CNBD1: variants seen among roughly 807,000 people sequenced by gnomAD.
CNBD1 encodes the protein cyclic nucleotide binding domain containing 1.
Under a neutral mutation model 54.4 loss-of-function variants are expected in CNBD1, and 71 were observed. The observed-to-expected ratio is 1.30, with a 90% confidence interval of 1.08 to 1.59. The LOEUF (loss-of-function observed/expected upper bound fraction) is 1.59, where lower values mean the gene tolerates loss of function less well. CNBD1 is among the 40% of genes most tolerant of loss of function. The pLI is 0.00. For synonymous variants in CNBD1, 182 were observed against 170.7 expected, an observed-to-expected ratio of 1.07 and a Z score of -0.51; for missense variants, 659 against 518.0, an observed-to-expected ratio of 1.27 and a Z score of -2.64.
chr8:87,345,882 C>T (rs1357848823), intron 8 of CNBD1, among the ~76,000 whole-genome samples: 1 of 151,868 alleles, frequency 6.6e-6, no homozygotes, highest in Non-Finnish European at 1.5e-5. Context: ...AGTATTTCTA[C>T]CTTGCATAAA....
intron 2 of CNBD1, among the ~76,000 whole-genome samples, chr8:87,410,436 T>A (rs1366321955): frequency 6.6e-6 from 1 of 152,122 alleles, no homozygotes. Flanking sequence ...GGCTGATATG[T>A]CAACATTAAC....
chr8:87,302,843 C>G (rs1403976479), intron 8 of CNBD1, among the ~76,000 whole-genome samples: 1 of 152,028 alleles, frequency 6.6e-6, no homozygotes, highest in Non-Finnish European at 1.5e-5. Context: ...ACACCAGCAA[C>G]AGACAAACAG....
chr8:87,362,280 C>T (rs182779908), intron 10 of CNBD1, among the ~76,000 whole-genome samples: 1 of 152,036 alleles, frequency 6.6e-6, no homozygotes, highest in Admixed American at 6.6e-5. Flanking sequence ...TCATTAAAAT[C>T]ATATTGCCAA....
intron 6 of CNBD1, among the ~76,000 whole-genome samples, chr8:87,262,025 A>T (rs1808150677): frequency 6.6e-6 from 1 of 151,680 alleles, no homozygotes; most frequent in South Asian, 2.1e-4. Flanking sequence ...GTGGTGGTGC[A>T]TGCCTGTAGT....
intron 5 of CNBD1, among the ~76,000 whole-genome samples, chr8:87,206,736 G>T (rs1813984092): frequency 6.6e-6 from 1 of 152,088 alleles, no homozygotes; most frequent in African/African-American, 2.4e-5. Context: ...AATTACGGGG[G>T]CTAGGCATAT....
At chr8:87,343,152 A>G (rs112345296) in intron 8 of CNBD1, among the ~76,000 whole-genome samples, 3,666 of 152,266 alleles carry the variant, frequency 0.024, 149 homozygotes, top group African/African-American at 0.081. Context: ...TATTCTGCCC[A>G]ACCACGCAGG....
intron 10 of CNBD1, among the ~76,000 whole-genome samples, chr8:87,377,178 T>A (rs1810964645): frequency 1.3e-5 from 2 of 151,058 alleles, no homozygotes; most frequent in Admixed American, 6.6e-5. Flanking sequence ...ATACTTTAAG[T>A]TTTACGGTAC....
At chr8:87,413,996 A>G (rs1294614919) in intron 2 of CNBD1, among the ~76,000 whole-genome samples, 1 of 152,042 alleles carries the variant, frequency 6.6e-6, no homozygotes, top group Non-Finnish European at 1.5e-5. Flanking sequence ...TAGAAATACC[A>G]TTTGACCCAG....
chr8:87,204,648 G>A (rs758203392), intron 4 of CNBD1, among the ~76,000 whole-genome samples: 1 of 152,222 alleles, frequency 6.6e-6, no homozygotes. Flanking sequence ...TTTCTATGAA[G>A]TAGCAAGTTT....
intron 2 of CNBD1, among the ~76,000 whole-genome samples, chr8:87,411,034 T>G (rs540390128): frequency 6.6e-6 from 1 of 152,194 alleles, no homozygotes; most frequent in East Asian, 2.0e-4. Context: ...TAAACATAAC[T>G]TTTATATGCT....
chr8:87,176,117 A>T (rs1586308562), intron 4 of CNBD1, among the ~76,000 whole-genome samples: 1 of 152,172 alleles, frequency 6.6e-6, no homozygotes, highest in South Asian at 2.1e-4. Context: ...GGCATTGACA[A>T]TTCAAGACTG....
chr8:86,875,020 A>G (rs1054911048), intron 1 of CNBD1, among the ~76,000 whole-genome samples: 5 of 132,756 alleles, frequency 3.8e-5, no homozygotes, highest in East Asian at 2.2e-4. Flanking sequence ...ATATATATAT[A>G]TGTATTAAAA....
intron 8 of CNBD1, among the ~76,000 whole-genome samples, chr8:87,312,634 G>A (rs1186728521): frequency 1.3e-5 from 2 of 151,920 alleles, no homozygotes; most frequent in Non-Finnish European, 2.9e-5. Flanking sequence ...GCAAGTAAGA[G>A]CCATATGAGT....
intron 3 of CNBD1, among the ~76,000 whole-genome samples, chr8:86,908,626 AC>A (rs1280206382): frequency 6.6e-6 from 1 of 152,064 alleles, no homozygotes; most frequent in African/African-American, 2.4e-5. Context: ...CAAGAAATTG[AC>A]CTTTTTTCAA....
intron 4 of CNBD1, among the ~76,000 whole-genome samples, chr8:87,162,179 AAAACT>A (rs1420652027): frequency 3.9e-5 from 6 of 152,236 alleles, no homozygotes; most frequent in African/African-American, 1.4e-4. Context: ...AAATCAAGAA[AAAACT>A]AAATAGAGCA....
At chr8:87,157,355 G>A (rs1019254635) in intron 4 of CNBD1, among the ~76,000 whole-genome samples, 1 of 152,152 alleles carries the variant, frequency 6.6e-6, no homozygotes, top group African/African-American at 2.4e-5. Flanking sequence ...TGGGAAACAA[G>A]GAAGAGAAAT....
chr8:87,135,200 G>A (rs924826020), intron 4 of CNBD1, among the ~76,000 whole-genome samples: 8 of 151,750 alleles, frequency 5.3e-5, no homozygotes, highest in Non-Finnish European at 1.2e-4. Flanking sequence ...AGTGAATAGG[G>A]CAATCACAAA....
intron 2 of CNBD1, among the ~76,000 whole-genome samples, chr8:87,388,356 G>A (rs888108498): frequency 8.3e-5 from 10 of 119,922 alleles, no homozygotes; most frequent in Non-Finnish European, 1.4e-4. Flanking sequence ...TAGACCGCTA[G>A]AAAGACTAAT....
chr8:87,208,432 C>A (rs555821101), intron 5 of CNBD1, among the ~76,000 whole-genome samples: 2 of 151,684 alleles, frequency 1.3e-5, no homozygotes, highest in South Asian at 2.1e-4. Context: ...TATATGAGTA[C>A]TTATATTAAA....
Sources: allele counts gnomAD v4.1 joint callset (sites outside exome capture counted in the v4.1 genomes callset), GRCh38; gene constraint gnomAD v4.1.1; transcripts MANE v1.5; gene names NCBI Gene and HGNC (gene_info 2026-07-23, HGNC 2026-07-21).